Variants in RABL3 observed in about 807,000 individuals in gnomAD.
RABL3 encodes the protein RAB, member of RAS oncogene family like 3, also known as rab-like protein 3.
Under a neutral mutation model 31.8 loss-of-function variants are expected in RABL3, and 31 were observed. The observed-to-expected ratio is 0.97, with a 90% CI of 0.73 to 1.31. RABL3 has a LOEUF of 1.31. Among genes scored for constraint, RABL3 ranks in the 40% most tolerant of loss-of-function variants. RABL3 has a pLI of 0.00. For synonymous variants in RABL3, 97 were observed against 99.9 expected (o/e 0.97, Z 0.18); for missense variants, 263 against 279.6 (o/e 0.94, Z 0.42).
chr3:120,689,833 T>G lies in RABL3; in HGVS notation c.701A>C (p.His234Pro). The G allele has an allele frequency of 6.2e-7, 1 of 1,612,184 alleles. No homozygotes were observed. Among genetic ancestry groups the G allele is most frequent in the Non-Finnish European group, 8.5e-7 (1 of 1,178,338 alleles). ...AAGGATGAGTGTAATTCAGTCATAA[T>G]GAAGGCTCTTTAATGTTCCTGCCCC... ...RFGAGTLKSL[H>P]YD The change falls in exon 8 of 8, where the codon CAT (histidine) becomes CCT (proline). Residue 234 changes from histidine to proline, a missense_variant. Coordinates refer to ENST00000273375, the MANE Select transcript of RABL3 (RefSeq NM_173825.5).
In RABL3 at chr3:120,686,381, G is replaced by C. The variant is rs1708307478; in HGVS notation, c.*3442C>G. Among the ~76,000 whole-genome samples, 1 of 152,100 alleles carries C rather than the reference G, an allele frequency of 6.6e-6. No homozygotes were observed. The highest frequency in any genetic ancestry group is 1.5e-5 in the Non-Finnish European group (1 of 68,026). On this transcript the variant is annotated 3_prime_UTR_variant, in exon 8 of 8. Transcript: ENST00000273375. ...ATGGTGGGTGCTACTGCAAACTATT[G>C]AAATGAGGACTCAGAAACTCTGATT...
At chr3:120,698,998 C>T (rs1368609310) in intron 4 of RABL3, among the ~76,000 whole-genome samples, 1 of 152,216 alleles carries the variant, frequency 6.6e-6, no homozygotes, top group Non-Finnish European at 1.5e-5. Context: ...CCTAGCATGG[C>T]ACTCAAGCCT....
chr3:120,735,024 G>A (rs1226977549), intron 1 of RABL3, among the ~76,000 whole-genome samples: 3 of 152,170 alleles, frequency 2.0e-5, no homozygotes, highest in East Asian at 1.9e-4. Flanking sequence ...TTGTGTCTCT[G>A]CCAGGCTTTG....
At chr3:120,696,955 T>C (rs1576331626) in intron 5 of RABL3, among the ~76,000 whole-genome samples, 1 of 151,824 alleles carries the variant, frequency 6.6e-6, no homozygotes, top group African/African-American at 2.4e-5. Flanking sequence ...GGGGTAGAGG[T>C]GGGGCTGAAC....
chr3:120,693,070 A>C (rs1246266216), intron 6 of RABL3, among the ~76,000 whole-genome samples: 1 of 152,192 alleles, frequency 6.6e-6, no homozygotes, highest in African/African-American at 2.4e-5. Flanking sequence ...AGCACACTGG[A>C]GAAAATGGAA....
intron 5 of RABL3, among the ~76,000 whole-genome samples, chr3:120,697,745 G>A (rs953097027): frequency 1.3e-5 from 2 of 152,086 alleles, no homozygotes; most frequent in African/African-American, 4.8e-5. Context: ...TTGTTACGTT[G>A]CCCTTTAAGG....
rs1410098062 is a variant in RABL3, at chr3:120,687,758, ATAGTT to A, written c.*2060_*2064del. On this transcript the variant is annotated 3_prime_UTR_variant, in exon 8 of 8. Transcript: ENST00000273375. ...CAGATTGACCCTGGAGTCATCAGCA[ATAGTT>A]TACTTTTATTATTTATTTATATATT... is the stretch of plus-strand genomic sequence containing the variant. 2.0e-5 allele frequency: 3 copies of A among 151,410 alleles called. No individual in the cohort carries two copies. The highest frequency in any genetic ancestry group is 4.4e-5 in the Non-Finnish European group (3 of 67,872). 9.4% of individuals were successfully genotyped at this position (151,410 alleles called of 1,614,324 possible).
At chr3:120,742,670 G>C (rs1479919816), upstream of RABL3, 2 of 696,268 alleles carry the variant, frequency 2.9e-6, no homozygotes, top group South Asian at 1.7e-5. Context: ...AAGGTAGCGG[G>C]GTGCTTCCCC....
intron 5 of RABL3, among the ~76,000 whole-genome samples, chr3:120,696,733 T>C (rs1183294581): frequency 6.6e-6 from 1 of 152,128 alleles, no homozygotes; most frequent in African/African-American, 2.4e-5. Context: ...ATGGTAAATT[T>C]CTCTTTGGAA....
chr3:120,690,789 C>A (rs941711831), intron 6 of RABL3, among the ~76,000 whole-genome samples: 1 of 152,068 alleles, frequency 6.6e-6, no homozygotes, highest in Non-Finnish European at 1.5e-5. Flanking sequence ...AGTATGACAG[C>A]AAATCTGACT....
At chr3:120,704,519 A>G in intron 4 of RABL3, among the ~76,000 whole-genome samples, 1 of 152,204 alleles carries the variant, frequency 6.6e-6, no homozygotes, top group East Asian at 1.9e-4. Context: ...TAAGACATAG[A>G]TATTCACTCT....
chr3:120,703,755 G>C (rs1708519895), intron 4 of RABL3, among the ~76,000 whole-genome samples: 1 of 151,656 alleles, frequency 6.6e-6, no homozygotes, highest in African/African-American at 2.4e-5. Context: ...ACTATCAAAA[G>C]GACAATAAAC....
At chr3:120,714,733 T>C (rs1708649082) in intron 2 of RABL3, among the ~76,000 whole-genome samples, 1 of 152,156 alleles carries the variant, frequency 6.6e-6, no homozygotes, top group Non-Finnish European at 1.5e-5. Flanking sequence ...AGTCCTTATA[T>C]TGCTACTGTT....
At chr3:120,733,821 C>T (rs999187737) in intron 1 of RABL3, among the ~76,000 whole-genome samples, 2 of 152,128 alleles carry the variant, frequency 1.3e-5, no homozygotes, top group African/African-American at 4.8e-5. Context: ...GAATCCTTTC[C>T]CCATTGCTTG....
chr3:120,705,445 CA>C, intron 4 of RABL3, among the ~76,000 whole-genome samples: 1 of 152,164 alleles, frequency 6.6e-6, no homozygotes, highest in Non-Finnish European at 1.5e-5. Flanking sequence ...GGGACAGACA[CA>C]TAGATCAATG....
At position 120,687,673 on chromosome 3, in the gene RABL3, T is replaced by C. The variant is rs1344543149; in HGVS notation, c.*2150A>G. On this transcript the variant is annotated 3_prime_UTR_variant, in exon 8 of 8. Coordinates refer to ENST00000273375, the MANE Select transcript of RABL3 (RefSeq NM_173825.5). ...ACTATTTTTTCTTAGAAAACTATAA[T>C]TCAAGGAATCAAGCTTGGCTGCAGA... 4 of 152,120 alleles carry C rather than the reference T, an allele frequency of 2.6e-5. No individual in the cohort carries two copies. The highest frequency in any genetic ancestry group is 9.7e-5 in the African/African-American group (4 of 41,446). The allele number at this position is 152,120 out of a possible 1,614,324, so 9.4% of individuals were successfully genotyped here.
intron 2 of RABL3, among the ~76,000 whole-genome samples, chr3:120,716,013 A>C (rs1229913740): frequency 6.6e-6 from 1 of 152,192 alleles, no homozygotes; most frequent in African/African-American, 2.4e-5. Context: ...AAAGTGTCCC[A>C]CCTCATATGC....
At chr3:120,710,445 T>C (rs1477590866) in intron 2 of RABL3, 2 of 152,182 alleles carry the variant, frequency 1.3e-5, no homozygotes, top group Non-Finnish European at 2.9e-5. Context: ...TAATATCTCT[T>C]CCCCATCCTC....
intron 4 of RABL3, 36 bp downstream of exon 4, chr3:120,705,964 C>T: frequency 1.6e-6 from 2 of 1,223,440 alleles, no homozygotes; most frequent in Non-Finnish European, 2.4e-6. Flanking sequence ...CCTGTGATTG[C>T]TACAATCTTT....
Sources: allele counts gnomAD v4.1 joint callset (sites outside exome capture counted in the v4.1 genomes callset), GRCh38; gene constraint gnomAD v4.1.1; transcripts MANE v1.5; gene names NCBI Gene and HGNC (gene_info 2026-07-23, HGNC 2026-07-21).